Variants in ITM2B observed in about 807,000 individuals in gnomAD.
ITM2B encodes the protein ABri/ADan amyloid peptide.
In ITM2B, 11 loss-of-function variants were observed where a neutral mutation model predicts 27.8. The ratio of observed to expected loss-of-function variants is 0.40; its 90% CI spans 0.25 to 0.66. The LOEUF is 0.66. Among genes scored for constraint, ITM2B ranks in the 30% least tolerant of loss-of-function variants. ITM2B has a pLI of 0.43. For synonymous variants in ITM2B, 114 were observed against 114.3 expected, an observed-to-expected ratio of 1.00 and a Z score of 0.02; for missense variants, 296 against 328.9, an observed-to-expected ratio of 0.90 and a Z score of 0.77.
intron 1 of ITM2B, among the ~76,000 whole-genome samples, chr13:48,251,895 C>G (rs1303661943): frequency 2.0e-5 from 3 of 152,224 alleles, no homozygotes; most frequent in Non-Finnish European, 4.4e-5. Flanking sequence ...TTTCATAATA[C>G]CTTATGACTC....
At position 48,259,074 on chromosome 13, in the gene ITM2B, A is replaced by G. The variant is rs9332294; in HGVS notation, c.715+127A>G. The stretch of plus-strand genomic sequence containing the variant: ...TGAGGTAATATTGTGTCGTTATATA[A>G]TATTTCCAGGTTTCTATAGAATTAT... On this transcript the variant is annotated intron_variant, in intron 5 of 5. Coordinates refer to ENST00000647800, the MANE Select transcript of ITM2B (RefSeq NM_021999.5). 3.5e-4 allele frequency: 231 copies of G among 658,180 alleles called. 6 individuals are homozygous for G. The Admixed American group carries it at 6.2e-3, about 18-fold the overall frequency. The allele number at this position is 658,180 out of a possible 1,614,324, so 40.8% of individuals were successfully genotyped here.
At chr13:48,239,372 C>A (rs545597562) in intron 1 of ITM2B, among the ~76,000 whole-genome samples, 3 of 152,152 alleles carry the variant, frequency 2.0e-5, no homozygotes, top group African/African-American at 4.8e-5. Flanking sequence ...CGCAAGCCAC[C>A]GCCTGTAATC....
At chr13:48,261,051 AT>A in intron 5 of ITM2B, 87 bp from the exon 6 acceptor site, 1 of 859,544 alleles carries the variant, frequency 1.2e-6, no homozygotes, top group Non-Finnish European at 1.9e-6. Flanking sequence ...AAATACTTCT[AT>A]ATGTCTAAAT....
In ITM2B at chr13:48,267,733, T is replaced by C. The variant is rs1293222953; in HGVS notation, c.*6509T>C. On this transcript the variant is annotated 3_prime_UTR_variant, in exon 6 of 6. Transcript: ENST00000647800. ...AAATTTTTTTCACATAGGATACATG[T>C]TAATATTAGGTAGTACATCTAAAGA... The C allele has an allele frequency of 1.3e-5, 2 of 152,186 alleles. No individual in the cohort carries two copies. Among genetic ancestry groups the C allele is most frequent in the Non-Finnish European group, 2.9e-5 (2 of 68,032 alleles). The allele number at this position is 152,186 out of a possible 1,614,324, so 9.4% of individuals were successfully genotyped here. A position where few individuals can be genotyped will look rare whatever the true frequency, so the allele number is the denominator to read the frequency against.
At chr13:48,245,727 CA>C (rs1033890175) in intron 1 of ITM2B, among the ~76,000 whole-genome samples, 1 of 149,076 alleles carries the variant, frequency 6.7e-6, no homozygotes, top group African/African-American at 2.5e-5. Flanking sequence ...GATTTTTTAA[CA>C]AAAAAGTATG....
intron 1 of ITM2B, among the ~76,000 whole-genome samples, 182 bp from the exon 2 acceptor site, chr13:48,253,626 A>G (rs116898753): frequency 9.1e-4 from 138 of 152,332 alleles, no homozygotes; most frequent in South Asian, 1.9e-3. Flanking sequence ...TCCAAGAACC[A>G]TTAAGATGAG....
chr13:48,264,618 A>G lies in ITM2B; in HGVS notation c.*3394A>G, dbSNP rs1951842195. On this transcript the variant is annotated 3_prime_UTR_variant, in exon 6 of 6. Coordinates refer to ENST00000647800, the MANE Select transcript of ITM2B (RefSeq NM_021999.5). The stretch of plus-strand genomic sequence containing the variant: ...TTATATAAATCCTACTCTATTGCAC[A>G]CTAATCTTTGCATGTTTAACTCTTT... The G allele has an allele frequency of 6.6e-6, 1 of 152,182 alleles. No homozygotes were observed. The allele number at this position is 152,182 out of a possible 1,614,324, so 9.4% of individuals were successfully genotyped here. A position where few individuals can be genotyped will look rare whatever the true frequency, so the allele number is the denominator to read the frequency against.
chr13:48,260,475 C>T (rs9332300), intron 5 of ITM2B, among the ~76,000 whole-genome samples: 1,585 of 152,172 alleles, frequency 0.01, 27 homozygotes, highest in African/African-American at 0.036. Context: ...AGTGTAAAAG[C>T]GTTCCCCAAT....
chr13:48,239,432 C>G (rs1432675121), intron 1 of ITM2B, among the ~76,000 whole-genome samples: 3 of 152,160 alleles, frequency 2.0e-5, no homozygotes, highest in African/African-American at 7.2e-5. Context: ...GTCAGGAGTT[C>G]GAGATAAGCC....
At chr13:48,233,712 G>T (rs1951650560) in intron 1 of ITM2B, among the ~76,000 whole-genome samples, 1 of 152,094 alleles carries the variant, frequency 6.6e-6, no homozygotes, top group Non-Finnish European at 1.5e-5. Flanking sequence ...GCCTGGAGAG[G>T]GAACGATTGG....
Position 48,256,391 on chromosome 13 carries a change from A to G in ITM2B, c.453+8A>G, listed in dbSNP as rs1221234855. 6 of 1,600,724 alleles carry G rather than the reference A, an allele frequency of 3.7e-6. No individual in the cohort carries two copies. The highest frequency in any genetic ancestry group is 1.1e-5 in the South Asian group (1 of 90,822). ...GTTCATGACTTTAACAAGGTGAGCCAAGTGTCCAGAATTGTAGAAAGAATG... is the reference window on the plus strand; with the variant it reads ...GTTCATGACTTTAACAAGGTGAGCCGAGTGTCCAGAATTGTAGAAAGAATG... On this transcript the variant is annotated splice_region_variant and intron_variant, in intron 3 of 5. Coordinates refer to ENST00000647800, the MANE Select transcript of ITM2B (RefSeq NM_021999.5).
chr13:48,248,624 T>G (rs8002765), intron 1 of ITM2B, among the ~76,000 whole-genome samples: 6,016 of 152,210 alleles, frequency 0.04, 323 homozygotes, highest in African/African-American at 0.12. Context: ...AGGTGTCCAA[T>G]CTTTTGGCTT....
intron 1 of ITM2B, among the ~76,000 whole-genome samples, chr13:48,239,464 G>C (rs1038782450): frequency 6.6e-6 from 1 of 152,160 alleles, no homozygotes; most frequent in Non-Finnish European, 1.5e-5. Context: ...GCAAAATTCT[G>C]TCTCTACTAA....
intron 2 of ITM2B, 147 bp downstream of exon 2, chr13:48,254,083 T>A: frequency 1.3e-6 from 1 of 755,102 alleles, no homozygotes; most frequent in Non-Finnish European, 2.2e-6. Flanking sequence ...TTTAAAGCTG[T>A]GTTTAAACAT....
In ITM2B at chr13:48,256,225, A is replaced by G; in HGVS notation, c.295A>G (p.Ile99Val). ...CGIKYIKDDV[I>V]LNEPSADAPA... ...AATAAAGTACATCAAAGATGATGTC[A>G]TCTTAAATGAGCCCTCTGCAGATGC... Residue 99 changes from isoleucine (I) to valine (V), a missense_variant, in exon 3 of 6, where the codon ATC becomes GTC. Transcript: ENST00000647800. 1.2e-6 allele frequency: 2 copies of G among 1,613,934 alleles called. No homozygotes were observed. The highest frequency in any genetic ancestry group is 1.7e-6 in the Non-Finnish European group (2 of 1,179,828).
intron 1 of ITM2B, among the ~76,000 whole-genome samples, chr13:48,235,625 C>T (rs1951663932): frequency 6.6e-6 from 1 of 152,172 alleles, no homozygotes; most frequent in Non-Finnish European, 1.5e-5. Context: ...CATTTCAGAG[C>T]TTGGGCAGTG....
chr13:48,249,121 C>T (rs964920787), intron 1 of ITM2B, among the ~76,000 whole-genome samples: 1 of 152,166 alleles, frequency 6.6e-6, no homozygotes, highest in African/African-American at 2.4e-5. Context: ...CGAAAGATTT[C>T]CATCACCCAA....
At chr13:48,237,120 T>G (rs1462036102) in intron 1 of ITM2B, among the ~76,000 whole-genome samples, 1 of 152,132 alleles carries the variant, frequency 6.6e-6, no homozygotes, top group African/African-American at 2.4e-5. Context: ...GTGGTTTTGT[T>G]TGTGTGTTTT....
In ITM2B at chr13:48,262,554, T is replaced by C. The variant is rs1032015924; in HGVS notation, c.*1330T>C. On this transcript the variant is annotated 3_prime_UTR_variant, in exon 6 of 6. Transcript: ENST00000647800. ...TATGTTTCAATAAAATGAGAATTGG[T>C]TTTTCCTACTTTCCAGGCTCTAAAA... 1 of 152,126 alleles carries C rather than the reference T, an allele frequency of 6.6e-6. No homozygotes were observed. The highest frequency in any genetic ancestry group is 6.6e-5 in the Admixed American group (1 of 15,248). The allele number at this position is 152,126 out of a possible 1,614,324, so 9.4% of individuals were successfully genotyped here.
Sources: allele counts gnomAD v4.1 joint callset (sites outside exome capture counted in the v4.1 genomes callset), GRCh38; gene constraint gnomAD v4.1.1; transcripts MANE v1.5; gene names NCBI Gene and HGNC (gene_info 2026-07-23, HGNC 2026-07-21).